Variants in SKI observed in about 807,000 individuals in gnomAD.
SKI encodes ski oncogene.
In SKI, 23 loss-of-function variants were observed where a neutral mutation model predicts 59.3. The ratio of observed to expected loss-of-function variants is 0.39; its 90% CI spans 0.28 to 0.55. The LOEUF is 0.55. Ranked by LOEUF, SKI falls within the 20% of genes least tolerant of loss-of-function variation. The probability of loss-of-function intolerance (pLI) is 0.67; values close to 1 mark genes in which losing one functional copy is unlikely to be tolerated. For missense variants in SKI, 1,017 were observed against 1,038.9 expected, an observed-to-expected ratio of 0.98 and a Z score of 0.29; for synonymous variants, 673 against 488.6, an observed-to-expected ratio of 1.38 and a Z score of -4.98.
chr1:2,261,981 G>C, intron 1 of SKI, among the ~76,000 whole-genome samples: 1 of 129,954 alleles, frequency 7.7e-6, no homozygotes, highest in Admixed American at 7.8e-5. Flanking sequence ...GGAAGGCGTG[G>C]AATCAGAGTT....
rs369979606 is a variant in SKI, at chr1:2,304,117, C to T, written c.1474+15C>T. The stretch of plus-strand genomic sequence containing the variant: ...CAGGGAGGAATGTACGTGTGAGTCG[C>T]TTTCTGTGCCTCCTCCCTGTGGGCT... On this transcript the variant is annotated intron_variant, in intron 4 of 6. Coordinates refer to ENST00000378536, the MANE Select transcript of SKI (RefSeq NM_003036.4). The T allele has an allele frequency of 3.4e-5, 54 of 1,611,406 alleles. No individual in the cohort carries two copies. In the African/African-American group the frequency reaches 7.1e-4, roughly 21 times the overall value.
At chr1:2,305,326 G>A (rs971429940) in intron 5 of SKI, among the ~76,000 whole-genome samples, 2 of 152,268 alleles carry the variant, frequency 1.3e-5, no homozygotes, top group African/African-American at 2.4e-5. Context: ...ACCGGGCCCC[G>A]GCCTCGCTAA....
In SKI at chr1:2,306,255, G is replaced by A; in HGVS notation, c.1998+5G>A. The A allele has an allele frequency of 6.5e-7, 1 of 1,547,910 alleles. No homozygotes were observed. The highest frequency in any genetic ancestry group is 1.2e-5 in the South Asian group (1 of 84,164). ...CGCGCCAAGTACTCGGCCCAGGTAT[G>A]CGGGTGGGGAGACTGAGGCACGCAG... On this transcript the variant is annotated splice_donor_5th_base_variant and intron_variant, in intron 6 of 6. Transcript: ENST00000378536.
intron 1 of SKI, among the ~76,000 whole-genome samples, chr1:2,291,042 A>C (rs1426301728): frequency 1.3e-5 from 2 of 152,234 alleles, no homozygotes; most frequent in Non-Finnish European, 2.9e-5. Flanking sequence ...AGTCGCTGGC[A>C]GGAGCGTCCG....
intron 1 of SKI, among the ~76,000 whole-genome samples, chr1:2,253,625 C>T (rs937538122): frequency 2.6e-5 from 4 of 152,212 alleles, no homozygotes; most frequent in Admixed American, 1.3e-4. Context: ...CTTCCCAGCG[C>T]GTGTGCACTT....
At chr1:2,263,772 G>A (rs1639438315) in intron 1 of SKI, among the ~76,000 whole-genome samples, 2 of 150,720 alleles carry the variant, frequency 1.3e-5, no homozygotes, top group Admixed American at 1.3e-4. Context: ...CAAGTCAGGA[G>A]TTCGAGACCA....
intron 1 of SKI, among the ~76,000 whole-genome samples, chr1:2,299,253 AGG>A (rs35472917): frequency 1.3e-4 from 20 of 151,530 alleles, no homozygotes; most frequent in Non-Finnish European, 1.8e-4. Context: ...TGCCTCGGGG[AGG>A]GGGGGGGCCA....
At chr1:2,253,858 G>A (rs1639218921) in intron 1 of SKI, among the ~76,000 whole-genome samples, 1 of 152,152 alleles carries the variant, frequency 6.6e-6, no homozygotes, top group Non-Finnish European at 1.5e-5. Context: ...TGCGGGGGCC[G>A]GGCATCGATG....
Position 2,270,598 on chromosome 1 carries a change from C to T in SKI, c.970-32380C>T, listed in dbSNP as rs771235822. Among the ~76,000 whole-genome samples, 10 of 152,070 alleles carry T rather than the reference C, an allele frequency of 6.6e-5. No homozygotes were observed. The highest frequency in any genetic ancestry group is 8.8e-5 in the Non-Finnish European group (6 of 67,910). Reference sequence around the variant, plus strand: ...TGCCGGCTGAGGAGGCCGCACTCCCCGTGCCTCCCGGGCAGACACCTCACG... The same window carrying T: ...TGCCGGCTGAGGAGGCCGCACTCCCTGTGCCTCCCGGGCAGACACCTCACG... On this transcript the variant is annotated intron_variant, in intron 1 of 6. Coordinates refer to ENST00000378536, the MANE Select transcript of SKI (RefSeq NM_003036.4). The surrounding 1 kb of genome is among the most constrained non-coding windows in gnomAD (Gnocchi z 4.1).
intron 1 of SKI, among the ~76,000 whole-genome samples, chr1:2,236,624 C>T (rs1338939507): frequency 6.6e-6 from 1 of 152,172 alleles, no homozygotes; most frequent in Non-Finnish European, 1.5e-5. Context: ...CCAGGATGGT[C>T]TCCATCTCCT....
chr1:2,260,535 C>CTTTTTTTTTTTTTTTTTTTTTTTT lies in SKI; in HGVS notation c.969+30823_969+30824insTTTTTTTTTTTTTTTTTTTTTTTT, dbSNP rs3065260. Among the ~76,000 whole-genome samples the CTTTTTTTTTTTTTTTTTTTTTTTT allele has an allele frequency of 5.2e-4, 35 of 67,820 alleles. 4 individuals carry two copies. Among genetic ancestry groups the CTTTTTTTTTTTTTTTTTTTTTTTT allele is most frequent in the Non-Finnish European group, 7.2e-4 (28 of 38,902 alleles). The allele number at this position is 67,820 out of a possible 152,430, so 44.5% of individuals were successfully genotyped here. On this transcript the variant is annotated intron_variant, in intron 1 of 6. Transcript: ENST00000378536. The stretch of plus-strand genomic sequence containing the variant: ...TCCAATTTTTCAGTTTGTTCTTTTT[C>CTTTTTTTTTTTTTTTTTTTTTTTT]TTTTTTTTTTTTTTTTTTTTTTTGA...
At chr1:2,230,793 A>G (rs1052908816) in intron 1 of SKI, among the ~76,000 whole-genome samples, 3 of 152,218 alleles carry the variant, frequency 2.0e-5, no homozygotes, top group Non-Finnish European at 2.9e-5. Context: ...TGGGAGGCCT[A>G]ATTAATTCAG....
intron 1 of SKI, among the ~76,000 whole-genome samples, chr1:2,259,894 G>A (rs760492440): frequency 6.6e-6 from 1 of 152,216 alleles, no homozygotes; most frequent in Non-Finnish European, 1.5e-5. Context: ...CGTGGATGTC[G>A]CGTTTGTTCC....
In SKI at chr1:2,282,466, T is replaced by TGACGGAGATCTTCAGAGAGAGGATGCCC; in HGVS notation, c.970-20510_970-20509insCGGAGATCTTCAGAGAGAGGATGCCCGA. On this transcript the variant is annotated intron_variant, in intron 1 of 6. Transcript: ENST00000378536. ...CGGAGATCTTCAGAGAGAGGACGCC[T>TGACGGAGATCTTCAGAGAGAGGATGCCC]GAGAAGACAGGCGGTGGTGGAGATC... 4.7e-5 allele frequency among the ~76,000 whole-genome samples: 2 copies of TGACGGAGATCTTCAGAGAGAGGATGCCC among 42,644 alleles called. 1 individual carries two copies. The highest frequency in any genetic ancestry group is 2.7e-3 in the South Asian group (2 of 738). 28.0% of individuals were successfully genotyped at this position (42,644 alleles called of 152,430 possible).
chr1:2,305,106 G>T (rs964038802), intron 5 of SKI, among the ~76,000 whole-genome samples: 4 of 152,226 alleles, frequency 2.6e-5, no homozygotes, highest in Non-Finnish European at 4.4e-5. Flanking sequence ...GGCCTCCCGA[G>T]TAGGAAGGAG....
At chr1:2,234,006 T>C (rs1638699172) in intron 1 of SKI, among the ~76,000 whole-genome samples, 1 of 152,180 alleles carries the variant, frequency 6.6e-6, no homozygotes, top group Non-Finnish European at 1.5e-5. Flanking sequence ...TGCAAGTGTT[T>C]TTCTCCAGCT....
At chr1:2,255,677 ATCTC>A (rs1000039776) in intron 1 of SKI, among the ~76,000 whole-genome samples, 11 of 146,680 alleles carry the variant, frequency 7.5e-5, no homozygotes, top group South Asian at 4.3e-4. Context: ...TCCTGTCTGG[ATCTC>A]TCTATGTCCT....
Position 2,229,857 on chromosome 1 carries a change from T to A in SKI, c.969+122T>A. The A allele has an allele frequency of 1.3e-6, 2 of 1,501,554 alleles. No individual in the cohort carries two copies. The highest frequency in any genetic ancestry group is 2.8e-5 in the African/African-American group (2 of 71,454). The allele number at this position is 1,501,554 out of a possible 1,614,324, so 93.0% of individuals were successfully genotyped here. ...CTTCTGCCGTGCCCCATGTCTCCAG[T>A]CTTCGCTTTGTTTTAGGGAAATTCA... On this transcript the variant is annotated intron_variant, in intron 1 of 6. Coordinates refer to ENST00000378536, the MANE Select transcript of SKI (RefSeq NM_003036.4). The surrounding 1 kb of genome is among the most constrained non-coding windows in gnomAD (Gnocchi z 6.3).
rs1019119214 is a variant in SKI, at chr1:2,303,647, T to C, written c.1212-193T>C. On this transcript the variant is annotated intron_variant, in intron 3 of 6. Coordinates refer to ENST00000378536, the MANE Select transcript of SKI (RefSeq NM_003036.4). The surrounding 1 kb of genome is among the most constrained non-coding windows in gnomAD (Gnocchi z 5.6). ...CGCAGCTTCTTGATGTGTTGGCCTG[T>C]GTCTGGCCTTCGCAAGAGACCCAGC... is the stretch of plus-strand genomic sequence containing the variant. The C allele has an allele frequency of 1.3e-6, 1 of 786,336 alleles. No homozygotes were observed. Among genetic ancestry groups the C allele is most frequent in the African/African-American group, 1.7e-5 (1 of 57,924 alleles). 48.7% of individuals were successfully genotyped at this position (786,336 alleles called of 1,614,324 possible). A position where few individuals can be genotyped will look rare whatever the true frequency, so the allele number is the denominator to read the frequency against.
Sources: allele counts gnomAD v4.1 joint callset (sites outside exome capture counted in the v4.1 genomes callset), GRCh38; gene constraint gnomAD v4.1.1; non-coding constraint Gnocchi (gnomAD v3.1); transcripts MANE v1.5; gene names NCBI Gene and HGNC (gene_info 2026-07-23, HGNC 2026-07-21).